ZNF667: variants seen among roughly 807,000 people sequenced by gnomAD.
The protein encoded by ZNF667 is myocardial ischemic preconditioning upregulated 1 ortholog.
ZNF667 carries 13 observed loss-of-function variants against 31.8 expected under a neutral mutation model. The ratio of observed to expected loss-of-function variants is 0.41; its 90% CI spans 0.27 to 0.65. ZNF667 has a LOEUF of 0.65. Among genes scored for constraint, ZNF667 ranks in the 30% least tolerant of loss-of-function variants. The probability of loss-of-function intolerance (pLI) is 0.32; values close to 1 mark genes in which losing one functional copy is unlikely to be tolerated. For missense variants in ZNF667, 642 were observed against 725.6 expected (o/e 0.88, Z 1.32); for synonymous variants, 228 against 247.1 (o/e 0.92, Z 0.73).
At chr19:56,458,764 T>G (rs1360564343) in intron 5 of ZNF667, among the ~76,000 whole-genome samples, 3 of 152,192 alleles carry the variant, frequency 2.0e-5, no homozygotes, top group African/African-American at 7.2e-5. Flanking sequence ...GCATGCTCTG[T>G]GTCCCTCCCC....
chr19:56,442,011 A>C lies in ZNF667; in HGVS notation c.984T>G (p.Asn328Lys), dbSNP rs772695024. The C allele has an allele frequency of 3.7e-6, 6 of 1,613,874 alleles. No homozygotes were observed. The South Asian group carries it at 6.6e-5, about 18-fold the overall frequency. The part of the protein sequence containing the change: ...SLQQRSHHLE[N>K]PFKCRKCGKL... ...TCCCACATTTTCTGCATTTAAAAGG[A>C]TTCTCTAAATGGTGACTTCTTTGCT... The change falls in exon 7 of 7, where the codon AAT becomes AAG. Residue 328 changes from asparagine to lysine, a missense_variant. By Grantham distance (94) the Asn-to-Lys change is moderately conservative. Transcript: ENST00000504904.
At chr19:56,460,254 T>C (rs1428902470) in intron 5 of ZNF667, among the ~76,000 whole-genome samples, 3 of 152,214 alleles carry the variant, frequency 2.0e-5, no homozygotes, top group Non-Finnish European at 4.4e-5. Flanking sequence ...AAATGAGGTA[T>C]TGGCACATGC....
In ZNF667 at chr19:56,441,898, A is replaced by G. The variant is rs1489513173; in HGVS notation, c.1097T>C (p.Phe366Ser). The change falls in exon 7 of 7, where the codon TTC becomes TCC. Residue 366 changes from phenylalanine (F) to serine (S), a missense_variant. Phe to Ser is a radical substitution (Grantham distance 155, BLOSUM62 -2). Transcript: ENST00000504904. The surrounding 1 kb of genome is among the most constrained non-coding windows in gnomAD (Gnocchi z 4.2). ...AATAAGGGTTGAAAGCCGCCTGAAG[A>G]ACTTGTCACATTTATCACATTTGTA... ...KPYKCDKCDK[F>S]FRRLSTLILH... 1 of 1,614,022 alleles carries G rather than the reference A, an allele frequency of 6.2e-7. No homozygotes were observed. Among genetic ancestry groups the G allele is most frequent in the Non-Finnish European group, 8.5e-7 (1 of 1,180,028 alleles).
chr19:56,471,071 C>T (rs1004409164), intron 3 of ZNF667, among the ~76,000 whole-genome samples: 10 of 152,032 alleles, frequency 6.6e-5, no homozygotes, highest in Non-Finnish European at 1.2e-4. Context: ...GTGGATCCTT[C>T]GTGAATAGTT....
intron 3 of ZNF667, chr19:56,467,643 T>G (rs983853355): frequency 2.0e-5 from 3 of 152,270 alleles, no homozygotes; most frequent in African/African-American, 7.2e-5. Context: ...TTTGACTGAC[T>G]GGCTTTAAGC....
At chr19:56,466,176 C>T (rs1176478420) in intron 3 of ZNF667, among the ~76,000 whole-genome samples, 1 of 152,222 alleles carries the variant, frequency 6.6e-6, no homozygotes, top group Non-Finnish European at 1.5e-5. Flanking sequence ...CCAGGCTCTG[C>T]TCTGTGCACC....
rs2042593104 is a variant in ZNF667, at chr19:56,441,219, A to G, written c.1776T>C (p.Tyr592=). ...PYECSKCGKA[Y]SRSSSLIRHQ... is the part of the protein sequence containing the mutation. ...GTCGAATCAGGGATGAACTCCGACT[A>G]TATGCCTTCCCACATTTACTACATT... Residue 592 remains tyrosine (Y), a synonymous_variant, in exon 7 of 7, where the codon TAT becomes TAC. Coordinates refer to ENST00000504904, the MANE Select transcript of ZNF667 (RefSeq NM_001321356.2). This position sits in a 1 kb window ranked among gnomAD's most constrained non-coding sequence, Gnocchi z 4.2. The G allele has an allele frequency of 6.2e-7, 1 of 1,614,156 alleles. No individual in the cohort carries two copies. Among genetic ancestry groups the G allele is most frequent in the East Asian group, 2.2e-5 (1 of 44,880 alleles).
At chr19:56,446,325 C>G (rs141988536) in intron 6 of ZNF667, among the ~76,000 whole-genome samples, 3 of 152,336 alleles carry the variant, frequency 2.0e-5, no homozygotes, top group Non-Finnish European at 4.4e-5. Context: ...GCTATGACCT[C>G]TAATCTGCCA....
At position 56,449,302 on chromosome 19, in the gene ZNF667, C is replaced by A. The variant is rs923736988; in HGVS notation, c.254-6561G>T. 2.1e-5 allele frequency: 9 copies of A among 434,456 alleles called. No individual in the cohort carries two copies. The Admixed American group carries it at 2.3e-4, about 11-fold the overall frequency. The allele number at this position is 434,456 out of a possible 1,614,324, so 26.9% of individuals were successfully genotyped here. On this transcript the variant is annotated intron_variant, in intron 6 of 6. Transcript: ENST00000504904. ...AAGACCATCCGGGAAAACATGACCTCACCAAATGAACTAAATAAGGCAACA... is the reference window on the plus strand; with the variant it reads ...AAGACCATCCGGGAAAACATGACCTAACCAAATGAACTAAATAAGGCAACA...
At chr19:56,458,317 A>C in intron 5 of ZNF667, 70 bp from the exon 6 acceptor site, 3 of 1,323,862 alleles carry the variant, frequency 2.3e-6, no homozygotes, top group Non-Finnish European at 2.2e-6. Flanking sequence ...CACGCTCTGC[A>C]TCAACAGGAA....
intron 6 of ZNF667, among the ~76,000 whole-genome samples, chr19:56,444,482 C>G (rs909412414): frequency 2.6e-5 from 4 of 151,964 alleles, no homozygotes; most frequent in Non-Finnish European, 5.9e-5. Context: ...CCACAGACCC[C>G]ACCTCCAACA....
rs1162869960 is a variant in ZNF667 at position 56,440,382 on chromosome 19, T to C, written c.*780A>G. 6.5e-6 allele frequency: 1 copy of C among 154,468 alleles called. No individual in the cohort carries two copies. The highest frequency in any genetic ancestry group is 6.5e-5 in the Admixed American group (1 of 15,276). 9.6% of individuals were successfully genotyped at this position (154,468 alleles called of 1,614,324 possible). A position where few individuals can be genotyped will look rare whatever the true frequency, so the allele number is the denominator to read the frequency against. ...GTAAGGTTTCTACTGTTACACACCA[T>C]TATGAGTGACAACTTTATCTACCTA... is the stretch of plus-strand genomic sequence containing the variant. On this transcript the variant is annotated 3_prime_UTR_variant, in exon 7 of 7. Coordinates refer to ENST00000504904, the MANE Select transcript of ZNF667 (RefSeq NM_001321356.2).
chr19:56,449,156 C>T, intron 6 of ZNF667: 1 of 281,606 alleles, frequency 3.6e-6, no homozygotes, highest in Non-Finnish European at 7.1e-6. Context: ...ACATCCTAGC[C>T]CCTTTGAATA....
At chr19:56,455,295 T>C (rs1600423600) in intron 6 of ZNF667, among the ~76,000 whole-genome samples, 1 of 152,266 alleles carries the variant, frequency 6.6e-6, no homozygotes, top group Middle Eastern at 3.4e-3. Flanking sequence ...GGAACTAATA[T>C]ATGATTCAGC....
At chr19:56,470,501 C>T (rs559236493) in intron 3 of ZNF667, among the ~76,000 whole-genome samples, 2 of 152,256 alleles carry the variant, frequency 1.3e-5, no homozygotes, top group East Asian at 1.9e-4. Flanking sequence ...GACGATGACC[C>T]GCCTGTTGTC....
intron 6 of ZNF667, chr19:56,444,127 T>A: frequency 2.5e-6 from 1 of 398,084 alleles, no homozygotes; most frequent in Non-Finnish European, 4.4e-6. Flanking sequence ...AAAATTAATT[T>A]TACCTGTTTG....
At chr19:56,449,192 T>A in intron 6 of ZNF667, 1 of 362,016 alleles carries the variant, frequency 2.8e-6, no homozygotes. Flanking sequence ...CTGGAAGGAC[T>A]AGTACAAACA....
intron 3 of ZNF667, chr19:56,469,986 T>TG (rs2043253526): frequency 2.1e-6 from 1 of 473,600 alleles, no homozygotes; most frequent in Non-Finnish European, 4.2e-6. Flanking sequence ...CACATTCCAT[T>TG]GTGAGCACAT....
At chr19:56,443,947 C>T (rs1450095057) in intron 6 of ZNF667, among the ~76,000 whole-genome samples, 1 of 152,114 alleles carries the variant, frequency 6.6e-6, no homozygotes. Context: ...CATTAGTCAC[C>T]TGTAGCTACT....
Sources: gnomAD v4.1 joint callset for allele counts (sites outside exome capture counted in the v4.1 genomes callset) on GRCh38, gnomAD v4.1.1 for gene constraint, Gnocchi (gnomAD v3.1) non-coding constraint, MANE v1.5 for transcripts, NCBI Gene and HGNC (gene_info 2026-07-23, HGNC 2026-07-21) for gene names.